The following RPS10 variants were observed in gnomAD, a reference collection of about 807,000 sequenced individuals.
The protein encoded by RPS10 is small ribosomal subunit protein eS10.
Under a neutral mutation model 22.6 loss-of-function variants are expected in RPS10, and 2 were observed. That is an observed-to-expected ratio of 0.09 (90% CI 0.04 to 0.28). The LOEUF (loss-of-function observed/expected upper bound fraction) is 0.28, where lower values mean the gene tolerates loss of function less well. Ranked by LOEUF, RPS10 falls within the 10% of genes least tolerant of loss-of-function variation. The pLI is 1.00. For synonymous variants in RPS10, 70 were observed against 75.9 expected, an observed-to-expected ratio of 0.92 and a Z score of 0.40; for missense variants, 137 against 222.2, an observed-to-expected ratio of 0.62 and a Z score of 2.44.
rs1212145377 is a variant in RPS10 at position 34,421,792 on chromosome 6, C to T, written c.338G>A (p.Arg113Gln). 5.0e-6 allele frequency: 8 copies of T among 1,613,764 alleles called. No individual in the cohort carries two copies. Among genetic ancestry groups the T allele is most frequent in the Non-Finnish European group, 8.5e-7 (1 of 1,179,870 alleles). The change falls in exon 4 of 6, where the codon CGA becomes CAA. Residue 113 changes from arginine to glutamine, a missense_variant. Physicochemically the swap from Arg to Gln is conservative, Grantham distance 43. Coordinates refer to ENST00000648437, the MANE Select transcript of RPS10 (RefSeq NM_001014.5). The stretch of plus-strand genomic sequence containing the variant: ...TTCCCCTCTTGTGAGTCTCGCAGGT[C>T]GCTCACCCTCCAGACCTATGTAAAT... Reference protein sequence around the residue: ...RPRPKGLEGERPARLTRGEAD... With the variant: ...RPRPKGLEGEQPARLTRGEAD...
intron 2 of RPS10, 70 bp from the exon 3 acceptor site, chr6:34,424,910 C>A: frequency 6.2e-7 from 1 of 1,610,280 alleles, no homozygotes; most frequent in African/African-American, 1.3e-5. Flanking sequence ...GTCTCCAGTC[C>A]CAGCCAGCCC....
chr6:34,425,101 G>A lies in RPS10; in HGVS notation c.121C>T (p.Pro41Ser). The A allele has an allele frequency of 6.2e-7, 1 of 1,612,600 alleles. No homozygotes were observed. Among genetic ancestry groups the A allele is most frequent in the Non-Finnish European group, 8.5e-7 (1 of 1,179,918 alleles). The change falls in exon 2 of 6, where the codon CCC (proline) becomes TCC (serine). Residue 41 changes from proline to serine, a missense_variant. Coordinates refer to ENST00000648437, the MANE Select transcript of RPS10 (RefSeq NM_001014.5). ...KHPELADKNV[P>S]NLHVMKAMQS... The stretch of plus-strand genomic sequence containing the variant: ...ATGGCCTTCATGACATGAAGGTTGG[G>A]CACATTCTTGTCTGCCAGCTCCGGG...
chr6:34,421,147 A>C (rs1765752502), intron 4 of RPS10, among the ~76,000 whole-genome samples: 1 of 144,118 alleles, frequency 6.9e-6, no homozygotes, highest in Non-Finnish European at 1.5e-5. Flanking sequence ...GGCTGGAGTG[A>C]CAACTTTAAC....
chr6:34,421,608 C>T, intron 4 of RPS10, 122 bp downstream of exon 4: 1 of 1,115,018 alleles, frequency 9.0e-7, no homozygotes, highest in South Asian at 1.3e-5. Flanking sequence ...CAGAGTGAAA[C>T]CAAGAATCTT....
intron 3 of RPS10, among the ~76,000 whole-genome samples, chr6:34,422,246 T>C (rs1319626231): frequency 1.3e-5 from 2 of 152,216 alleles, no homozygotes; most frequent in Non-Finnish European, 2.9e-5. Context: ...CCAAGAATCG[T>C]TGAGTTCCTC....
At chr6:34,424,877 G>A (rs1026607112) in intron 2 of RPS10, 37 bp from the exon 3 acceptor site, 5 of 1,613,470 alleles carry the variant, frequency 3.1e-6, no homozygotes, top group Non-Finnish European at 4.2e-6. Context: ...GCGTTAAGTA[G>A]AAGCTTGGAT....
At chr6:34,424,995 T>TCCATC in intron 2 of RPS10, 77 bp downstream of exon 2, 1 of 1,608,746 alleles carries the variant, frequency 6.2e-7, no homozygotes, top group East Asian at 2.2e-5. Flanking sequence ...GGAAGATCCC[T>TCCATC]CCATCCCATT....
chr6:34,420,168 CAAG>C (rs1484347440), intron 4 of RPS10, among the ~76,000 whole-genome samples: 8 of 152,074 alleles, frequency 5.3e-5, no homozygotes, highest in African/African-American at 1.9e-4. Context: ...ACATTGGGTA[CAAG>C]AATAGGGGGA....
intron 4 of RPS10, among the ~76,000 whole-genome samples, chr6:34,421,177 G>C (rs1029739369): frequency 2.1e-5 from 3 of 143,898 alleles, no homozygotes; most frequent in Admixed American, 7.0e-5. Context: ...AACCATATTT[G>C]TTATTGGCAT....
chr6:34,417,936 G>A (rs1253765494), intron 5 of RPS10: 1 of 717,754 alleles, frequency 1.4e-6, no homozygotes, highest in East Asian at 2.7e-5. Flanking sequence ...TACTATGCCT[G>A]GATTAACTAA....
chr6:34,420,782 G>A (rs748745023), intron 4 of RPS10, among the ~76,000 whole-genome samples: 3 of 151,778 alleles, frequency 2.0e-5, no homozygotes, highest in African/African-American at 4.8e-5. Context: ...TGAGGCGGGC[G>A]GATCATGAGG....
chr6:34,424,140 TAAAAAAAAA>T lies in RPS10; in HGVS notation c.322+520_322+528del, dbSNP rs71538239. ...GCTGGGCAACAGAGCAAGACTCCGT[TAAAAAAAAA>T]AAAAAAAAAAAAAAAGCAACTGTGA... On this transcript the variant is annotated intron_variant, in intron 3 of 5. Coordinates refer to ENST00000648437, the MANE Select transcript of RPS10 (RefSeq NM_001014.5). 3.5e-4 allele frequency: 17 copies of T among 49,154 alleles called. No homozygotes were observed. The South Asian group carries it at 3.7e-3, about 11-fold the overall frequency. The allele number at this position is 49,154 out of a possible 1,614,324, so 3.0% of individuals were successfully genotyped here.
chr6:34,422,938 G>A (rs570551490), intron 3 of RPS10, among the ~76,000 whole-genome samples: 178 of 151,850 alleles, frequency 1.2e-3, no homozygotes, highest in Non-Finnish European at 1.9e-3. Flanking sequence ...AAAATTAGCC[G>A]GGTGTGGTGG....
intron 3 of RPS10, among the ~76,000 whole-genome samples, chr6:34,422,100 T>C (rs1248007157): frequency 1.3e-5 from 2 of 152,142 alleles, no homozygotes. Flanking sequence ...ATCTAGCTAT[T>C]TCTATGAACA....
chr6:34,425,304 C>A (rs1400968084), intron 1 of RPS10, 83 bp from the exon 2 acceptor site: 17 of 1,521,298 alleles, frequency 1.1e-5, no homozygotes, highest in Non-Finnish European at 1.4e-5. Context: ...CCTAAAGTGA[C>A]CCACACAAAA....
At chr6:34,424,609 G>C in intron 3 of RPS10, 60 bp downstream of exon 3, 1 of 1,604,172 alleles carries the variant, frequency 6.2e-7, no homozygotes, top group Admixed American at 1.7e-5. Flanking sequence ...GAATGCTTTT[G>C]TCCCTTACAC....
chr6:34,423,118 T>C (rs1408046456), intron 3 of RPS10, among the ~76,000 whole-genome samples: 1 of 151,616 alleles, frequency 6.6e-6, no homozygotes, highest in African/African-American at 2.4e-5. Context: ...GTATTTTCTC[T>C]AGCCAGTTAC....
intron 3 of RPS10, chr6:34,424,163 A>AAAAAAAAAAAAAAAAAC (rs1561939868): frequency 6.6e-6 from 1 of 150,930 alleles, no homozygotes; most frequent in Non-Finnish European, 1.5e-5. Context: ...AAAAAAAAAA[A>AAAAAAAAAAAAAAAAAC]AGCAACTGTG....
chr6:34,417,627 A>AG, intron 5 of RPS10, 80 bp from the exon 6 acceptor site: 1 of 1,397,020 alleles, frequency 7.2e-7, no homozygotes, highest in Non-Finnish European at 1.0e-6. Flanking sequence ...TTCAGGCCTC[A>AG]TTATAACTCC....
Sources: allele counts gnomAD v4.1 joint callset (sites outside exome capture counted in the v4.1 genomes callset), GRCh38; gene constraint gnomAD v4.1.1; transcripts MANE v1.5; gene names NCBI Gene and HGNC (gene_info 2026-07-23, HGNC 2026-07-21).